The following PDE4B variants were observed in gnomAD, a reference collection of about 807,000 sequenced individuals.
The protein encoded by PDE4B is 3',5'-cyclic-AMP phosphodiesterase 4B.
PDE4B carries 20 observed loss-of-function variants against 82.2 expected under a neutral mutation model. That is an observed-to-expected ratio of 0.24 (90% CI 0.17 to 0.35). The LOEUF is 0.35. PDE4B is among the 10% of genes least tolerant of loss of function. The probability of loss-of-function intolerance (pLI) is 1.00; values close to 1 mark genes in which losing one functional copy is unlikely to be tolerated. For missense variants in PDE4B, 655 were observed against 907.2 expected (o/e 0.72, Z 3.57); for synonymous variants, 320 against 318.9 (o/e 1.00, Z -0.04).
intron 3 of PDE4B, among the ~76,000 whole-genome samples, chr1:66,182,111 T>C (rs1288168848): frequency 6.6e-6 from 1 of 152,196 alleles, no homozygotes; most frequent in Non-Finnish European, 1.5e-5. Context: ...GCTCTGCTTC[T>C]TTCTTTTTGG....
intron 1 of PDE4B, among the ~76,000 whole-genome samples, chr1:65,883,671 T>C (rs922469678): frequency 2.0e-5 from 3 of 152,200 alleles, no homozygotes; most frequent in Non-Finnish European, 4.4e-5. Context: ...CTAATTGCCC[T>C]GGCCAGAACT....
intron 1 of PDE4B, among the ~76,000 whole-genome samples, chr1:65,811,948 A>G (rs998456333): frequency 6.6e-6 from 1 of 152,152 alleles, no homozygotes; most frequent in African/African-American, 2.4e-5. Context: ...AATTAGGGGG[A>G]AAAAGTAAAG....
intron 3 of PDE4B, among the ~76,000 whole-genome samples, chr1:66,047,433 C>T (rs2100848321): frequency 6.6e-6 from 1 of 151,916 alleles, no homozygotes; most frequent in South Asian, 2.1e-4. Context: ...CATAATTTTC[C>T]TTAGACTAGC....
At chr1:66,063,674 C>G (rs961199579) in intron 3 of PDE4B, among the ~76,000 whole-genome samples, 3 of 151,892 alleles carry the variant, frequency 2.0e-5, no homozygotes, top group Non-Finnish European at 4.4e-5. Context: ...TATCTTCTCT[C>G]AAGTCTTTTA....
chr1:66,274,339 T>A (rs201044668), intron 7 of PDE4B, among the ~76,000 whole-genome samples: 10 of 150,068 alleles, frequency 6.7e-5, no homozygotes, highest in South Asian at 4.3e-4. Context: ...TTTTTTTTTT[T>A]TTTATATATT....
intron 3 of PDE4B, among the ~76,000 whole-genome samples, chr1:65,948,491 AG>A (rs1252278830): frequency 1.3e-5 from 2 of 151,868 alleles, no homozygotes; most frequent in Non-Finnish European, 2.9e-5. Flanking sequence ...AGAGGCTGAG[AG>A]GCTAGACCAG....
At chr1:66,134,464 C>CA (rs2101122106) in intron 3 of PDE4B, among the ~76,000 whole-genome samples, 1 of 152,290 alleles carries the variant, frequency 6.6e-6, no homozygotes, top group East Asian at 1.9e-4. Context: ...AACTCCTACT[C>CA]ATGTTATCAG....
At chr1:66,189,014 T>G (rs1647474018) in intron 3 of PDE4B, among the ~76,000 whole-genome samples, 1 of 152,020 alleles carries the variant, frequency 6.6e-6, no homozygotes, top group Non-Finnish European at 1.5e-5. Flanking sequence ...TCAGGAGCTC[T>G]TTTAGGGCAA....
intron 3 of PDE4B, among the ~76,000 whole-genome samples, chr1:65,951,278 C>T (rs571466164): frequency 3.9e-5 from 6 of 152,204 alleles, no homozygotes; most frequent in African/African-American, 1.4e-4. Context: ...TAACCTTTTT[C>T]CTTTCCATGT....
chr1:65,849,497 G>C (rs1394224254), intron 1 of PDE4B, among the ~76,000 whole-genome samples: 1 of 152,152 alleles, frequency 6.6e-6, no homozygotes. Flanking sequence ...AAGTAGAGTT[G>C]TCCGGCCAGT....
At chr1:66,094,057 TAGTC>T (rs765742913) in intron 3 of PDE4B, among the ~76,000 whole-genome samples, 37 of 152,134 alleles carry the variant, frequency 2.4e-4, no homozygotes, top group Non-Finnish European at 3.7e-4. Flanking sequence ...TTATAATTCA[TAGTC>T]AGGCAGCAAG....
intron 7 of PDE4B, among the ~76,000 whole-genome samples, chr1:66,322,477 A>C (rs1659471471): frequency 6.6e-6 from 1 of 152,136 alleles, no homozygotes; most frequent in Non-Finnish European, 1.5e-5. Flanking sequence ...CAAGAAAAAA[A>C]CAACTCCATC....
chr1:65,837,819 A>T (rs1285768140), intron 1 of PDE4B, among the ~76,000 whole-genome samples: 1 of 151,982 alleles, frequency 6.6e-6, no homozygotes, highest in Non-Finnish European at 1.5e-5. Context: ...TGTGAGAGAG[A>T]GAGGTCTGTT....
chr1:66,230,267 C>G (rs1167882555), intron 3 of PDE4B, among the ~76,000 whole-genome samples: 1 of 152,128 alleles, frequency 6.6e-6, no homozygotes, highest in Non-Finnish European at 1.5e-5. Context: ...GTAAATAAAG[C>G]TCTAGGAGAG....
At chr1:66,140,219 C>T (rs1646144898) in intron 3 of PDE4B, among the ~76,000 whole-genome samples, 2 of 152,088 alleles carry the variant, frequency 1.3e-5, no homozygotes, top group Non-Finnish European at 2.9e-5. Flanking sequence ...ACGGGATTTA[C>T]CCCAACTGCC....
At chr1:65,973,152 A>T (rs1650233297) in intron 3 of PDE4B, among the ~76,000 whole-genome samples, 1 of 152,174 alleles carries the variant, frequency 6.6e-6, no homozygotes, top group Admixed American at 6.6e-5. Flanking sequence ...ATTATTCCTT[A>T]AAGTGGTCCC....
chr1:65,922,324 TA>T (rs1382763269), intron 3 of PDE4B, among the ~76,000 whole-genome samples: 1 of 152,192 alleles, frequency 6.6e-6, no homozygotes, highest in Admixed American at 6.5e-5. Context: ...ATATTATTAT[TA>T]TTGTCATTTT....
chr1:65,929,683 C>T lies in PDE4B; in HGVS notation c.281+10848C>T, dbSNP rs576199838. Among the ~76,000 whole-genome samples, 10 of 152,298 alleles carry T rather than the reference C, an allele frequency of 6.6e-5. No homozygotes were observed. The South Asian group carries it at 1.7e-3, about 25-fold the overall frequency. ...TTTGTCCACTGAACTTAGGCGCAACCAATCAGCTTCATTACGTTCCTTGGT... is the reference window on the plus strand; with the variant it reads ...TTTGTCCACTGAACTTAGGCGCAACTAATCAGCTTCATTACGTTCCTTGGT... On this transcript the variant is annotated intron_variant, in intron 3 of 16. Coordinates refer to ENST00000341517, the MANE Select transcript of PDE4B (RefSeq NM_002600.4).
At chr1:65,884,649 C>A (rs1245414149) in intron 1 of PDE4B, among the ~76,000 whole-genome samples, 2 of 152,146 alleles carry the variant, frequency 1.3e-5, no homozygotes, top group Admixed American at 6.5e-5. Flanking sequence ...GGAAAACTGG[C>A]TAGCCATATG....
Sources: gnomAD v4.1 joint callset for allele counts (sites outside exome capture counted in the v4.1 genomes callset) on GRCh38, gnomAD v4.1.1 for gene constraint, MANE v1.5 for transcripts, NCBI Gene and HGNC (gene_info 2026-07-23, HGNC 2026-07-21) for gene names.